Variants in FAAH2 observed in about 807,000 individuals in gnomAD.
The protein encoded by FAAH2 is fatty-acid amide hydrolase 2.
FAAH2 carries 60 observed loss-of-function variants against 36.9 expected under a neutral mutation model. That is an observed-to-expected ratio of 1.63 (90% CI 1.32 to 2.02). FAAH2 has a LOEUF of 2.02. Ranked by LOEUF, FAAH2 falls within the 30% of genes most tolerant of loss-of-function variation. The probability of loss-of-function intolerance (pLI) is 0.00; values close to 1 mark genes in which losing one functional copy is unlikely to be tolerated. For synonymous variants in FAAH2, 214 were observed against 143.8 expected, an observed-to-expected ratio of 1.49 and a Z score of -3.49; for missense variants, 689 against 397.5, an observed-to-expected ratio of 1.73 and a Z score of -6.23.
In FAAH2 at chrX:57,292,586, C is replaced by A; in HGVS notation, c.275+6C>A. 1 of 1,196,681 alleles carries A rather than the reference C, an allele frequency of 8.4e-7. No homozygotes were observed. Among genetic ancestry groups the A allele is most frequent in the African/African-American group, 1.7e-5 (1 of 57,452 alleles). On this transcript the variant is annotated splice_donor_region_variant and intron_variant, in intron 2 of 10. Transcript: ENST00000374900. ...AATGGAATTGTCAAGTACAGGTGAG[C>A]ATTTCCACTCTCTCAAGGAGTCATT...
chrX:57,284,008 G>T (rs2051777459), upstream of FAAH2, among the ~76,000 whole-genome samples: 1 of 111,799 alleles, frequency 8.9e-6, no homozygotes, highest in African/African-American at 3.3e-5. Flanking sequence ...GCGCTGTGCT[G>T]TGGGTTCGCG....
At chrX:57,466,156 C>CTATATATATATATATATATATA (rs1163626331) in intron 10 of FAAH2, among the ~76,000 whole-genome samples, 5 of 66,413 alleles carry the variant, frequency 7.5e-5, no homozygotes, top group Admixed American at 2.0e-4. Flanking sequence ...CTCTCTCTCT[C>CTATATATATATATATATATATA]TATATATATA....
chrX:57,427,554 A>C (rs943035732), intron 7 of FAAH2, among the ~76,000 whole-genome samples: 2 of 111,840 alleles, frequency 1.8e-5, no homozygotes, highest in African/African-American at 6.5e-5. Flanking sequence ...AGGATAATAC[A>C]TCATGATCAA....
rs749705123 is a variant in FAAH2, at chrX:57,488,834, C to A, written c.1501C>A (p.Gln501Lys). ...TGCCAAAGGACTCCCTTTAGGCATC[C>A]AGGTTGTGGCTGGACCCTTTAATGA... is the stretch of plus-strand genomic sequence containing the variant. ...LNAKGLPLGI[Q>K]VVAGPFNDHL... The change falls in exon 11 of 11, where the codon CAG (glutamine) becomes AAG (lysine). Residue 501 changes from glutamine to lysine, a missense_variant. Coordinates refer to ENST00000374900, the MANE Select transcript of FAAH2 (RefSeq NM_174912.4). 4.1e-6 allele frequency: 5 copies of A among 1,209,394 alleles called. No homozygotes were observed. The African/African-American group carries it at 8.8e-5, about 21-fold the overall frequency.
intron 5 of FAAH2, among the ~76,000 whole-genome samples, chrX:57,353,989 A>T (rs1452151298): frequency 9.0e-6 from 1 of 110,671 alleles, no homozygotes; most frequent in East Asian, 2.8e-4. Context: ...AATCTTACAC[A>T]TTGTGCCAAT....
the FAAH2 span, among the ~76,000 whole-genome samples, chrX:57,231,483 G>A: frequency 9.1e-6 from 1 of 110,480 alleles, no homozygotes; most frequent in East Asian, 2.8e-4. Flanking sequence ...AGCTTTTTTT[G>A]TAATTGCAAG....
intron 10 of FAAH2, among the ~76,000 whole-genome samples, chrX:57,479,864 G>A (rs1269916404): frequency 9.0e-6 from 1 of 110,833 alleles, no homozygotes; most frequent in Non-Finnish European, 1.9e-5. Context: ...TAGACCACTA[G>A]CAAGACTAAT....
chrX:57,374,618 T>G lies in FAAH2; in HGVS notation c.743-4033T>G, dbSNP rs1001002436. 2.7e-5 allele frequency among the ~76,000 whole-genome samples: 3 copies of G among 111,488 alleles called. No homozygotes were observed. In the East Asian group the frequency reaches 8.5e-4, roughly 31 times the overall value. ...TCTAGGAGCTTTTTGCAGGAGTTTT[T>G]AGGGTTTTCTAGGTATACAATCATA... On this transcript the variant is annotated intron_variant, in intron 5 of 10. Coordinates refer to ENST00000374900, the MANE Select transcript of FAAH2 (RefSeq NM_174912.4).
chrX:57,391,814 G>A (rs2055173589), intron 7 of FAAH2, among the ~76,000 whole-genome samples: 1 of 109,097 alleles, frequency 9.2e-6, no homozygotes, highest in African/African-American at 3.3e-5. Flanking sequence ...CTCTTTTTTT[G>A]TTTTATATGT....
intron 3 of FAAH2, among the ~76,000 whole-genome samples, chrX:57,316,234 A>C (rs2052834707): frequency 8.9e-6 from 1 of 111,871 alleles, no homozygotes; most frequent in South Asian, 3.7e-4. Context: ...GAAATGGTAT[A>C]AATAAATGTA....
chrX:57,336,047 G>C (rs1310638698), intron 4 of FAAH2, among the ~76,000 whole-genome samples: 1 of 111,340 alleles, frequency 9.0e-6, no homozygotes, highest in East Asian at 2.8e-4. Flanking sequence ...TTAGTGTCAG[G>C]CCTCCGAGCC....
chrX:57,357,587 G>A (rs2054189978), intron 5 of FAAH2, among the ~76,000 whole-genome samples: 1 of 112,024 alleles, frequency 8.9e-6, no homozygotes, highest in Non-Finnish European at 1.9e-5. Flanking sequence ...ATGAAAAAAA[G>A]CTCATCATCA....
At chrX:57,375,326 T>G (rs959200352) in intron 5 of FAAH2, among the ~76,000 whole-genome samples, 5 of 107,665 alleles carry the variant, frequency 4.6e-5, no homozygotes, top group Non-Finnish European at 9.6e-5. Context: ...CTGGTAGAAT[T>G]CAGCTGTGAA....
intron 7 of FAAH2, among the ~76,000 whole-genome samples, chrX:57,428,482 T>C (rs1024646832): frequency 8.9e-6 from 1 of 111,768 alleles, no homozygotes; most frequent in African/African-American, 3.2e-5. Flanking sequence ...CATTACCTAA[T>C]TTCAAATTAT....
At chrX:57,139,116 G>T in the FAAH2 span, among the ~76,000 whole-genome samples, 12 of 112,403 alleles carry the variant, frequency 1.1e-4, no homozygotes, top group Admixed American at 1.9e-4. Flanking sequence ...TCTTACTCAA[G>T]AAATCGTTGC....
At chrX:57,194,886 C>T in the FAAH2 span, among the ~76,000 whole-genome samples, 1 of 111,572 alleles carries the variant, frequency 9.0e-6, no homozygotes, top group Non-Finnish European at 1.9e-5. Flanking sequence ...GTCTCCAGCT[C>T]CATCCAGTTG....
intron 2 of FAAH2, among the ~76,000 whole-genome samples, chrX:57,306,998 CAT>C (rs1338855632): frequency 5.7e-5 from 2 of 34,941 alleles, no homozygotes; most frequent in Admixed American, 6.7e-4. Context: ...CACACAGATA[CAT>C]ATATATATAT....
the FAAH2 span, among the ~76,000 whole-genome samples, chrX:57,227,976 T>C: frequency 9.0e-6 from 1 of 111,723 alleles, no homozygotes; most frequent in Non-Finnish European, 1.9e-5. Context: ...ACCGAAGGGC[T>C]GGTCTCACTC....
intron 7 of FAAH2, chrX:57,392,938 C>G: frequency 1.1e-6 from 1 of 906,468 alleles, no homozygotes; most frequent in South Asian, 2.0e-5. Flanking sequence ...TCAATGTTGT[C>G]TGCTCCATAG....
Sources: allele counts gnomAD v4.1 joint callset (sites outside exome capture counted in the v4.1 genomes callset), GRCh38; gene constraint gnomAD v4.1.1; transcripts MANE v1.5; gene names NCBI Gene and HGNC (gene_info 2026-07-23, HGNC 2026-07-21).